The following NELL1 variants were observed in gnomAD, a reference collection of about 807,000 sequenced individuals.
NELL1 encodes neural EGFL like 1.
Under a neutral mutation model 107.4 loss-of-function variants are expected in NELL1, and 76 were observed. The ratio of observed to expected loss-of-function variants is 0.71; its 90% CI spans 0.59 to 0.86. The LOEUF (loss-of-function observed/expected upper bound fraction) is 0.86. Among genes scored for constraint, NELL1 ranks in the 40% least tolerant of loss-of-function variants. The pLI, the probability that NELL1 is intolerant of heterozygous loss-of-function variation, is 0.00. For missense variants in NELL1, 1,024 were observed against 1,005.5 expected, an observed-to-expected ratio of 1.02 and a Z score of -0.25; for synonymous variants, 353 against 341.2, an observed-to-expected ratio of 1.03 and a Z score of -0.38.
intron 13 of NELL1, among the ~76,000 whole-genome samples, chr11:21,150,317 G>A (rs1339916640): frequency 6.6e-6 from 1 of 152,136 alleles, no homozygotes; most frequent in Non-Finnish European, 1.5e-5. Context: ...CTAAGAAAAG[G>A]GCTTCACAGA....
At chr11:20,859,681 T>C (rs1848943094) in intron 4 of NELL1, among the ~76,000 whole-genome samples, 1 of 152,160 alleles carries the variant, frequency 6.6e-6, no homozygotes, top group Non-Finnish European at 1.5e-5. Context: ...AAACTACTGG[T>C]GGTGAAATCA....
intron 2 of NELL1, among the ~76,000 whole-genome samples, chr11:20,682,323 C>G (rs1465707538): frequency 6.7e-6 from 1 of 149,772 alleles, no homozygotes; most frequent in Non-Finnish European, 1.5e-5. Context: ...TTTTATTTAA[C>G]CCAACATATA....
intron 3 of NELL1, among the ~76,000 whole-genome samples, chr11:20,812,807 G>A (rs1857528120): frequency 6.6e-6 from 1 of 151,444 alleles, no homozygotes; most frequent in Non-Finnish European, 1.5e-5. Flanking sequence ...AGGAGATCGA[G>A]ACCATCCTGG....
At chr11:21,199,887 A>G (rs1380375204) in intron 13 of NELL1, among the ~76,000 whole-genome samples, 7 of 151,810 alleles carry the variant, frequency 4.6e-5, no homozygotes, top group African/African-American at 1.2e-4. Flanking sequence ...ATGAGTGAGA[A>G]CATGCGGTGT....
At chr11:21,105,376 C>T (rs1412193111) in intron 12 of NELL1, among the ~76,000 whole-genome samples, 6 of 152,154 alleles carry the variant, frequency 3.9e-5, no homozygotes, top group Admixed American at 2.6e-4. Flanking sequence ...GGCCAAAAGA[C>T]TGGTTGAACC....
intron 15 of NELL1, among the ~76,000 whole-genome samples, chr11:21,464,397 C>T (rs1221890487): frequency 7.7e-5 from 6 of 77,490 alleles, no homozygotes; most frequent in African/African-American, 2.3e-4. Flanking sequence ...TGAATATGTC[C>T]GTGGCAAAAA....
chr11:21,362,257 A>T (rs888648018), intron 14 of NELL1, among the ~76,000 whole-genome samples: 1 of 152,124 alleles, frequency 6.6e-6, no homozygotes, highest in Non-Finnish European at 1.5e-5. Context: ...AGTAATTGTT[A>T]TGGCTCTTTT....
chr11:21,224,092 C>T (rs184105323), intron 13 of NELL1, among the ~76,000 whole-genome samples: 3 of 152,182 alleles, frequency 2.0e-5, no homozygotes, highest in Admixed American at 6.5e-5. Context: ...TTTAGCATTC[C>T]GTCTTTATCT....
chr11:20,693,888 C>G (rs1394122151), intron 2 of NELL1, among the ~76,000 whole-genome samples: 1 of 152,200 alleles, frequency 6.6e-6, no homozygotes, highest in Non-Finnish European at 1.5e-5. Context: ...TGTTTTCCAA[C>G]TTGGTTCCAT....
chr11:21,457,512 C>A (rs1853776603), intron 15 of NELL1, among the ~76,000 whole-genome samples: 1 of 152,132 alleles, frequency 6.6e-6, no homozygotes, highest in Admixed American at 6.5e-5. Flanking sequence ...GAAACACAGG[C>A]AGAGATAGCA....
At chr11:20,887,475 A>C (rs1009242716) in intron 5 of NELL1, among the ~76,000 whole-genome samples, 16 of 152,204 alleles carry the variant, frequency 1.1e-4, no homozygotes, top group African/African-American at 3.9e-4. Flanking sequence ...AATCTATGAA[A>C]ATTTCAGTTA....
chr11:20,886,684 A>C (rs1404023278), intron 5 of NELL1, among the ~76,000 whole-genome samples: 1 of 152,204 alleles, frequency 6.6e-6, no homozygotes, highest in South Asian at 2.1e-4. Context: ...GGGGAACATC[A>C]TACACTGGGG....
At chr11:21,481,363 A>T (rs976455208) in intron 15 of NELL1, among the ~76,000 whole-genome samples, 3 of 152,198 alleles carry the variant, frequency 2.0e-5, no homozygotes, top group Middle Eastern at 3.2e-3. Context: ...CCATGAGGTC[A>T]TTCCTCTGAG....
chr11:21,324,209 C>T (rs946774592), intron 14 of NELL1, among the ~76,000 whole-genome samples: 8 of 152,078 alleles, frequency 5.3e-5, no homozygotes, highest in Non-Finnish European at 1.2e-4. Context: ...GGATTCCAGA[C>T]TTAAAAGCTC....
intron 9 of NELL1, 72 bp downstream of exon 9, chr11:20,928,551 T>C: frequency 8.5e-7 from 1 of 1,179,594 alleles, no homozygotes; most frequent in African/African-American, 1.5e-5. Flanking sequence ...CCTGTTTTTC[T>C]GGACTCAACT....
Position 21,534,502 on chromosome 11 carries a change from G to A in NELL1, c.1774G>A (p.Glu592Lys), listed in dbSNP as rs771050608. The A allele has an allele frequency of 1.2e-6, 2 of 1,613,732 alleles. No individual in the cohort carries two copies. The highest frequency in any genetic ancestry group is 2.2e-5 in the East Asian group (1 of 44,844). ...HDDGTYSLSG[E>K]SCIDIDECAL... ...CGATGGGACCTATTCACTGTCCGGGGAGTCCTGTATTGGTAAGCAGCTTTC... is the reference window on the plus strand; with the variant it reads ...CGATGGGACCTATTCACTGTCCGGGAAGTCCTGTATTGGTAAGCAGCTTTC... Residue 592 changes from glutamate (E) to lysine (K), a missense_variant, in exon 16 of 20, where the codon GAG becomes AAG. By Grantham distance (56) the Glu-to-Lys change is moderately conservative. Transcript: ENST00000357134.
chr11:20,895,271 CAAAAAAAAAAAAAAAAAAAAAAAAAAAAA>C (rs1156409312), intron 5 of NELL1, among the ~76,000 whole-genome samples: 4 of 10,488 alleles, frequency 3.8e-4, no homozygotes, highest in Admixed American at 2.5e-3. Context: ...GACTCCGTCT[CAAAAAAAAAAAAAAAAAAAAAAAAAAAAA>C]AAAAAAAAAA....
chr11:21,497,381 C>T (rs1181252472), intron 15 of NELL1, among the ~76,000 whole-genome samples: 1 of 152,062 alleles, frequency 6.6e-6, no homozygotes, highest in Non-Finnish European at 1.5e-5. Context: ...GGTCATATCC[C>T]AGTTTTTGTT....
intron 3 of NELL1, among the ~76,000 whole-genome samples, chr11:20,803,499 C>A (rs1487385852): frequency 1.3e-5 from 2 of 151,756 alleles, no homozygotes; most frequent in African/African-American, 2.4e-5. Context: ...AAACGAACTT[C>A]TTCTTTCATT....
Sources: allele counts gnomAD v4.1 joint callset (sites outside exome capture counted in the v4.1 genomes callset), GRCh38; gene constraint gnomAD v4.1.1; transcripts MANE v1.5; gene names NCBI Gene and HGNC (gene_info 2026-07-23, HGNC 2026-07-21).